The following C16orf89 variants were observed in gnomAD, a reference collection of about 807,000 sequenced individuals.
The protein encoded by C16orf89 is chromosome 16 open reading frame 89.
A neutral mutation model predicts 41.5 loss-of-function variants in C16orf89; 57 were observed. The ratio of observed to expected loss-of-function variants is 1.38; its 90% CI spans 1.11 to 1.71. The LOEUF is 1.71. Ranked by LOEUF, C16orf89 falls within the 40% of genes most tolerant of loss-of-function variation. C16orf89 has a pLI of 0.00. For synonymous variants in C16orf89, 223 were observed against 190.6 expected, an observed-to-expected ratio of 1.17 and a Z score of -1.40; for missense variants, 575 against 445.9, an observed-to-expected ratio of 1.29 and a Z score of -2.61.
intron 6 of C16orf89, among the ~76,000 whole-genome samples, chr16:5,050,806 C>T (rs1290339663): frequency 6.6e-6 from 1 of 152,180 alleles, no homozygotes; most frequent in East Asian, 1.9e-4. Flanking sequence ...ACTTTGACCA[C>T]TTCCAGTAAG....
intron 2 of C16orf89, among the ~76,000 whole-genome samples, chr16:5,061,892 G>T (rs1044143661): frequency 1.3e-5 from 2 of 152,104 alleles, no homozygotes; most frequent in Admixed American, 6.5e-5. Flanking sequence ...CTTATTAGAT[G>T]GGACCTTTTG....
chr16:5,056,428 A>G (rs548768496), intron 4 of C16orf89, among the ~76,000 whole-genome samples: 1 of 152,224 alleles, frequency 6.6e-6, no homozygotes, highest in African/African-American at 2.4e-5. Context: ...TGCTAAAGTA[A>G]CCTTTCTGAG....
intron 6 of C16orf89, among the ~76,000 whole-genome samples, chr16:5,049,250 A>G (rs559246650): frequency 6.6e-6 from 1 of 152,344 alleles, no homozygotes; most frequent in African/African-American, 2.4e-5. Context: ...CAATACAATA[A>G]TAGCTGAAGA....
intron 6 of C16orf89, among the ~76,000 whole-genome samples, chr16:5,052,912 G>C (rs189624715): frequency 1.3e-5 from 2 of 152,216 alleles, no homozygotes; most frequent in Non-Finnish European, 2.9e-5. Context: ...GAGAAAATGT[G>C]GTACACAGAC....
In C16orf89 at chr16:5,056,111, G is replaced by T; in HGVS notation, c.705C>A (p.Asn235Lys). 2 of 1,600,014 alleles carry T rather than the reference G, an allele frequency of 1.2e-6. No individual in the cohort carries two copies. The highest frequency in any genetic ancestry group is 1.7e-6 in the Non-Finnish European group (2 of 1,168,114). Residue 235 changes from asparagine (N) to lysine (K), a missense_variant, in exon 5 of 8, where the codon AAC becomes AAA. Asn to Lys is a moderately conservative substitution (Grantham distance 94). Transcript: ENST00000472572. ...CGTATCCGATGGCCTCAGCTCTGCG[G>T]TTCAAGTCCATCATGTTGGCGCAGA... ...NLFCANMMDL[N>K]RRAEAIGYAY...
chr16:5,062,562 C>A lies in C16orf89; in HGVS notation c.221G>T (p.Ser74Ile), dbSNP rs190337475. The A allele has an allele frequency of 6.2e-7, 1 of 1,610,302 alleles. No homozygotes were observed. The highest frequency in any genetic ancestry group is 8.5e-7 in the Non-Finnish European group (1 of 1,178,316). Residue 74 changes from serine to isoleucine, a missense_variant, in exon 2 of 8, where the codon AGT (serine) becomes ATT (isoleucine). Transcript: ENST00000472572. Reference sequence around the variant, plus strand: ...CTCCTGGGCCCACTTCTCCCGGACACTTTTTAGCTGCTCTGGAAGGGAACA... The same window carrying A: ...CTCCTGGGCCCACTTCTCCCGGACAATTTTTAGCTGCTCTGGAAGGGAACA... Reference protein sequence around the residue: ...GVRVLEEQLKSVREKWAQEPL... With the variant: ...GVRVLEEQLKIVREKWAQEPL...
chr16:5,050,492 T>C (rs1956376672), intron 6 of C16orf89, among the ~76,000 whole-genome samples: 1 of 152,138 alleles, frequency 6.6e-6, no homozygotes, highest in South Asian at 2.1e-4. Flanking sequence ...ATTGAATGTG[T>C]AATAAAAAGT....
intron 6 of C16orf89, among the ~76,000 whole-genome samples, chr16:5,049,773 C>T (rs1371319674): frequency 1.3e-5 from 2 of 152,022 alleles, no homozygotes; most frequent in Non-Finnish European, 2.9e-5. Flanking sequence ...AAATAACGAA[C>T]TAATGATACA....
chr16:5,055,973 GT>G (rs1956492620), intron 5 of C16orf89, 79 bp downstream of exon 5: 1 of 948,184 alleles, frequency 1.1e-6, no homozygotes, highest in East Asian at 2.6e-5. Flanking sequence ...GTGTGTGTGT[GT>G]GTGTGTGTGT....
intron 3 of C16orf89, among the ~76,000 whole-genome samples, 181 bp from the exon 4 acceptor site, chr16:5,058,791 G>A (rs868476605): frequency 6.6e-6 from 1 of 152,094 alleles, no homozygotes; most frequent in Non-Finnish European, 1.5e-5. Flanking sequence ...GGCTGCCCTA[G>A]CCCAGGAAAG....
intron 4 of C16orf89, 35 bp from the exon 5 acceptor site, chr16:5,056,223 G>C (rs374892907): frequency 8.9e-6 from 14 of 1,565,614 alleles, no homozygotes; most frequent in Admixed American, 3.4e-5. Flanking sequence ...AAGGGAGTCA[G>C]TGGTACAGAT....
intron 6 of C16orf89, among the ~76,000 whole-genome samples, 161 bp downstream of exon 6, chr16:5,055,085 G>A (rs193028276): frequency 3.4e-4 from 51 of 152,228 alleles, no homozygotes; most frequent in African/African-American, 1.1e-3. Context: ...CTCCGAGCCC[G>A]TTTCTCCTTG....
chr16:5,060,218 G>A, intron 3 of C16orf89, 68 bp downstream of exon 3: 3 of 1,498,416 alleles, frequency 2.0e-6, no homozygotes, highest in Non-Finnish European at 1.8e-6. Flanking sequence ...AGAAGGAGGA[G>A]CGGGACAGGA....
intron 3 of C16orf89, 52 bp downstream of exon 3, chr16:5,060,234 T>A (rs1438171800): frequency 6.4e-7 from 1 of 1,551,502 alleles, no homozygotes; most frequent in Non-Finnish European, 8.7e-7. Context: ...CAGGACCAGC[T>A]GAGAACTAGT....
In C16orf89 at chr16:5,055,609, C is replaced by G. The variant is rs570115496; in HGVS notation, c.764-259G>C. ...CAGGATCAGTGGAGGAGTTTGGACA[C>G]CCCAGCCAGCTAGCAGCCTCCCAAG... is the stretch of plus-strand genomic sequence containing the variant. On this transcript the variant is annotated intron_variant, in intron 5 of 7. Coordinates refer to ENST00000472572, the MANE Select transcript of C16orf89 (RefSeq NM_001098514.3). The G allele has an allele frequency of 9.2e-6, 13 of 1,407,250 alleles. No individual in the cohort carries two copies. In the African/African-American group the frequency reaches 1.0e-4, roughly 11 times the overall value. 87.2% of individuals were successfully genotyped at this position (1,407,250 alleles called of 1,614,324 possible). A position where few individuals can be genotyped will look rare whatever the true frequency, so the allele number is the denominator to read the frequency against.
chr16:5,059,778 G>T (rs910047593), intron 3 of C16orf89, among the ~76,000 whole-genome samples: 2 of 152,150 alleles, frequency 1.3e-5, no homozygotes, highest in South Asian at 2.1e-4. Context: ...TGCATCTGTG[G>T]CTATAAGAGG....
intron 3 of C16orf89, among the ~76,000 whole-genome samples, chr16:5,058,854 T>C (rs1394831791): frequency 6.6e-6 from 1 of 152,130 alleles, no homozygotes; most frequent in Non-Finnish European, 1.5e-5. Context: ...TGAAACTTCC[T>C]ATTGCTCCAT....
At chr16:5,064,002 C>A (rs1177119058) in intron 1 of C16orf89, among the ~76,000 whole-genome samples, 2 of 152,110 alleles carry the variant, frequency 1.3e-5, no homozygotes, top group Admixed American at 1.3e-4. Flanking sequence ...TGGTGGGTAC[C>A]TGTAGTCCCA....
At chr16:5,058,442 C>T (rs561395010) in intron 4 of C16orf89, 51 bp downstream of exon 4, 4 of 1,499,320 alleles carry the variant, frequency 2.7e-6, no homozygotes, top group Non-Finnish European at 3.7e-6. Flanking sequence ...TGCCCCTTTT[C>T]CTTTTTCCTT....
Sources: allele counts gnomAD v4.1 joint callset (sites outside exome capture counted in the v4.1 genomes callset), GRCh38; gene constraint gnomAD v4.1.1; transcripts MANE v1.5; gene names NCBI Gene and HGNC (gene_info 2026-07-23, HGNC 2026-07-21).